The following GSG1L variants were observed in gnomAD, a reference collection of about 807,000 sequenced individuals.
GSG1L encodes GSG1 like.
A neutral mutation model predicts 42.1 loss-of-function variants in GSG1L; 24 were observed. The ratio of observed to expected loss-of-function variants is 0.57; its 90% CI spans 0.41 to 0.80. The LOEUF (loss-of-function observed/expected upper bound fraction) is 0.80. GSG1L is among the 30% of genes least tolerant of loss of function. The pLI is 0.00. For synonymous variants in GSG1L, 215 were observed against 203.5 expected (o/e 1.06, Z -0.48); for missense variants, 445 against 472.2 (o/e 0.94, Z 0.53).
intron 1 of GSG1L, among the ~76,000 whole-genome samples, chr16:28,039,278 G>A (rs184506345): frequency 1.3e-4 from 20 of 152,236 alleles, no homozygotes; most frequent in Admixed American, 3.9e-4. Context: ...ACCCTATGAC[G>A]TGGGAAATGC....
chr16:27,795,502 G>A (rs2082808634), intron 6 of GSG1L, among the ~76,000 whole-genome samples: 1 of 152,222 alleles, frequency 6.6e-6, no homozygotes, highest in Non-Finnish European at 1.5e-5. Context: ...GGAGTTGGCA[G>A]GCCCAGCAGG....
At chr16:27,989,427 C>G (rs1041800682) in intron 1 of GSG1L, among the ~76,000 whole-genome samples, 1 of 152,108 alleles carries the variant, frequency 6.6e-6, no homozygotes, top group African/African-American at 2.4e-5. Flanking sequence ...GAGAGATATA[C>G]TAGGCTTATT....
chr16:27,818,384 G>C lies in GSG1L; in HGVS notation c.830+10405C>G, dbSNP rs1264925999. On this transcript the variant is annotated intron_variant, in intron 5 of 6. Transcript: ENST00000447459. ...TTCACCTCCCCGTGTATGGGTGCTGGCTGACGATCCGATCACATGAGCCGC... is the reference window on the plus strand; with the variant it reads ...TTCACCTCCCCGTGTATGGGTGCTGCCTGACGATCCGATCACATGAGCCGC... 3.3e-5 allele frequency among the ~76,000 whole-genome samples: 5 copies of C among 152,200 alleles called. No individual in the cohort carries two copies. In the South Asian group the frequency reaches 1.0e-3, roughly 32 times the overall value.
At chr16:27,961,864 G>A (rs1378290186) in intron 2 of GSG1L, among the ~76,000 whole-genome samples, 1 of 152,156 alleles carries the variant, frequency 6.6e-6, no homozygotes, top group Non-Finnish European at 1.5e-5. Flanking sequence ...TCTGGGAACT[G>A]AGGGCCCGGT....
At chr16:27,957,468 A>C (rs1201937003) in intron 2 of GSG1L, among the ~76,000 whole-genome samples, 1 of 152,208 alleles carries the variant, frequency 6.6e-6, no homozygotes, top group African/African-American at 2.4e-5. Flanking sequence ...GGCACAATCT[A>C]CTGTGCAGAC....
intron 2 of GSG1L, among the ~76,000 whole-genome samples, chr16:27,929,797 C>T (rs2084635907): frequency 6.6e-6 from 1 of 152,300 alleles, no homozygotes; most frequent in African/African-American, 2.4e-5. Flanking sequence ...TTCCACTCCA[C>T]ATACCCCAGG....
intron 1 of GSG1L, among the ~76,000 whole-genome samples, chr16:28,056,967 G>C (rs913804441): frequency 2.6e-5 from 4 of 152,096 alleles, no homozygotes; most frequent in African/African-American, 9.7e-5. Flanking sequence ...GCAGAGACTT[G>C]TACGGGGTTG....
intron 1 of GSG1L, among the ~76,000 whole-genome samples, chr16:28,003,349 G>A (rs2085600433): frequency 6.6e-6 from 1 of 152,226 alleles, no homozygotes; most frequent in African/African-American, 2.4e-5. Context: ...GCAGGGGACG[G>A]GAGCCATGGG....
chr16:27,838,367 ACG>A (rs969510972), intron 4 of GSG1L, among the ~76,000 whole-genome samples: 23 of 152,156 alleles, frequency 1.5e-4, no homozygotes, highest in African/African-American at 5.6e-4. Flanking sequence ...CAGGGCCCCA[ACG>A]CACCCACAAA....
chr16:27,815,065 G>A (rs1238634966), intron 5 of GSG1L, among the ~76,000 whole-genome samples: 9 of 152,046 alleles, frequency 5.9e-5, no homozygotes. Flanking sequence ...AAAGTGCTAG[G>A]ATTACAGTCA....
intron 3 of GSG1L, among the ~76,000 whole-genome samples, chr16:27,867,016 G>A (rs1038166059): frequency 2.0e-5 from 3 of 152,166 alleles, no homozygotes; most frequent in Admixed American, 6.5e-5. Flanking sequence ...ATTTGAAGGG[G>A]CAGAAAGATT....
chr16:28,006,147 GCC>G (rs2085635201), intron 1 of GSG1L, among the ~76,000 whole-genome samples: 1 of 152,150 alleles, frequency 6.6e-6, no homozygotes, highest in Non-Finnish European at 1.5e-5. Flanking sequence ...GCCAAGAACA[GCC>G]CTTCGTTTGC....
intron 2 of GSG1L, among the ~76,000 whole-genome samples, chr16:27,959,225 A>G (rs1366488756): frequency 6.6e-6 from 1 of 151,196 alleles, no homozygotes; most frequent in Non-Finnish European, 1.5e-5. Context: ...TGGGAGGCCA[A>G]CGTGGGAGGA....
chr16:27,849,506 T>C (rs951523178), intron 3 of GSG1L, among the ~76,000 whole-genome samples: 1 of 152,160 alleles, frequency 6.6e-6, no homozygotes, highest in Non-Finnish European at 1.5e-5. Flanking sequence ...CTGGTGTTGC[T>C]GGCAGCTCTG....
At chr16:27,869,644 C>CCTCT (rs143517987) in intron 3 of GSG1L, among the ~76,000 whole-genome samples, 61,739 of 123,304 alleles carry the variant, frequency 0.5, 16,930 homozygotes, top group Non-Finnish European at 0.6. Context: ...ATCTCTCTCT[C>CCTCT]CTCTCTGTCT....
At chr16:27,838,717 A>G (rs1002286964) in intron 4 of GSG1L, among the ~76,000 whole-genome samples, 1 of 152,142 alleles carries the variant, frequency 6.6e-6, no homozygotes, top group African/African-American at 2.4e-5. Flanking sequence ...CAGATTCACC[A>G]TGTGGGGCAC....
At chr16:28,011,286 A>G (rs111352446) in intron 1 of GSG1L, among the ~76,000 whole-genome samples, 1 of 152,204 alleles carries the variant, frequency 6.6e-6, no homozygotes, top group African/African-American at 2.4e-5. Flanking sequence ...TGCCCGAGAG[A>G]GCCTCCCAGC....
intron 2 of GSG1L, among the ~76,000 whole-genome samples, chr16:27,937,315 G>A (rs1008451732): frequency 9.2e-5 from 14 of 151,552 alleles, no homozygotes; most frequent in African/African-American, 3.4e-4. Flanking sequence ...TCGGCTCACT[G>A]CAACCCAACC....
chr16:28,026,156 C>T (rs1344401493), intron 1 of GSG1L, among the ~76,000 whole-genome samples: 2 of 152,210 alleles, frequency 1.3e-5, no homozygotes, highest in African/African-American at 4.8e-5. Flanking sequence ...TACCTGCTCA[C>T]CCATGTCTCT....
Sources: allele counts gnomAD v4.1 joint callset (sites outside exome capture counted in the v4.1 genomes callset), GRCh38; gene constraint gnomAD v4.1.1; transcripts MANE v1.5; gene names NCBI Gene and HGNC (gene_info 2026-07-23, HGNC 2026-07-21).